Variants in ERC2 observed in about 807,000 individuals in gnomAD.
ERC2 encodes the protein ELKS/RAB6-interacting/CAST family member 2, also known as ERC protein 2.
A neutral mutation model predicts 114.8 loss-of-function variants in ERC2; 42 were observed. That is an observed-to-expected ratio of 0.37 (90% CI 0.29 to 0.47). The LOEUF (loss-of-function observed/expected upper bound fraction) is 0.47, where lower values mean the gene tolerates loss of function less well. Among genes scored for constraint, ERC2 ranks in the 20% least tolerant of loss-of-function variants. The pLI is 0.99. For synonymous variants in ERC2, 454 were observed against 425.5 expected (o/e 1.07, Z -0.82); for missense variants, 939 against 1,150.7 (o/e 0.82, Z 2.66).
chr3:55,593,792 T>TAGAAGAGG (rs2058013541), intron 17 of ERC2, among the ~76,000 whole-genome samples: 2 of 152,176 alleles, frequency 1.3e-5, no homozygotes, highest in African/African-American at 4.8e-5. Context: ...TCCCTCCTCT[T>TAGAAGAGG]GGTCCACAAA....
chr3:56,265,069 T>C (rs1224329783), intron 3 of ERC2, among the ~76,000 whole-genome samples: 1 of 152,154 alleles, frequency 6.6e-6, no homozygotes, highest in Admixed American at 6.5e-5. Context: ...TCTATTAACA[T>C]TCCAAAGTCA....
chr3:55,597,345 A>G, intron 17 of ERC2, among the ~76,000 whole-genome samples: 1 of 150,284 alleles, frequency 6.7e-6, no homozygotes, highest in East Asian at 2.0e-4. Flanking sequence ...GCATGAACCC[A>G]GGAGGTGGAG....
chr3:55,520,433 CAAAA>C (rs35883947), intron 17 of ERC2, among the ~76,000 whole-genome samples: 1 of 109,556 alleles, frequency 9.1e-6, no homozygotes, highest in African/African-American at 3.5e-5. Flanking sequence ...GACTCTGTCT[CAAAA>C]AAAAAAAAAA....
At chr3:55,851,864 TG>T (rs1263099822) in intron 14 of ERC2, among the ~76,000 whole-genome samples, 1 of 152,188 alleles carries the variant, frequency 6.6e-6, no homozygotes, top group Non-Finnish European at 1.5e-5. Context: ...CCCAGGGTCT[TG>T]GGCCCTTTGC....
chr3:56,212,418 T>C (rs556639995), intron 3 of ERC2, among the ~76,000 whole-genome samples: 33 of 152,130 alleles, frequency 2.2e-4, no homozygotes, highest in Admixed American at 5.2e-4. Flanking sequence ...CACCTTACTC[T>C]TTCAAGAATG....
intron 10 of ERC2, among the ~76,000 whole-genome samples, chr3:56,002,675 C>A (rs923741072): frequency 6.6e-6 from 1 of 152,058 alleles, no homozygotes; most frequent in African/African-American, 2.4e-5. Context: ...AGAGCGTAAC[C>A]CTGTTTTTAA....
chr3:55,917,795 A>T (rs1231423799), intron 13 of ERC2, among the ~76,000 whole-genome samples: 1 of 152,206 alleles, frequency 6.6e-6, no homozygotes, highest in Non-Finnish European at 1.5e-5. Flanking sequence ...TGTGAATTAT[A>T]TCTCAATAAG....
intron 7 of ERC2, among the ~76,000 whole-genome samples, chr3:56,055,967 T>C (rs554794525): frequency 4.4e-4 from 67 of 152,274 alleles, no homozygotes; most frequent in African/African-American, 1.5e-3. Context: ...AATCTTACTT[T>C]TGCAAAATTT....
At chr3:55,859,559 A>T (rs1286088837) in intron 14 of ERC2, among the ~76,000 whole-genome samples, 1 of 152,050 alleles carries the variant, frequency 6.6e-6, no homozygotes, top group Non-Finnish European at 1.5e-5. Flanking sequence ...GGCTCAGGAA[A>T]AGCTGTCATT....
intron 13 of ERC2, among the ~76,000 whole-genome samples, chr3:55,920,892 A>C (rs577973871): frequency 7.2e-5 from 11 of 152,194 alleles, no homozygotes; most frequent in Admixed American, 2.6e-4. Context: ...TGACCACAGA[A>C]GAACAGAGGG....
chr3:55,705,247 G>A (rs768613707), intron 15 of ERC2, among the ~76,000 whole-genome samples: 3 of 152,144 alleles, frequency 2.0e-5, no homozygotes, highest in African/African-American at 7.2e-5. Context: ...TGGGTCAAAC[G>A]CCCCTTGAGT....
chr3:55,828,593 G>A (rs1198265443), intron 14 of ERC2, among the ~76,000 whole-genome samples: 1 of 152,074 alleles, frequency 6.6e-6, no homozygotes, highest in Non-Finnish European at 1.5e-5. Context: ...GAATCCTGGA[G>A]GGAAAAGAGC....
At chr3:56,064,465 A>G (rs929296104) in intron 7 of ERC2, among the ~76,000 whole-genome samples, 6 of 152,312 alleles carry the variant, frequency 3.9e-5, no homozygotes, top group Admixed American at 3.9e-4. Context: ...AGAAAGAAAT[A>G]TCTCCACTCC....
intron 3 of ERC2, among the ~76,000 whole-genome samples, chr3:56,240,715 T>C (rs921255774): frequency 2.0e-5 from 3 of 152,116 alleles, no homozygotes; most frequent in African/African-American, 7.2e-5. Context: ...GGAAAACATA[T>C]CCAGCTATTA....
At chr3:56,414,242 C>T (rs545122183) in intron 2 of ERC2, among the ~76,000 whole-genome samples, 2 of 152,282 alleles carry the variant, frequency 1.3e-5, no homozygotes, top group African/African-American at 4.8e-5. Context: ...TTGTTCCACT[C>T]GAGGCCAGGC....
intron 3 of ERC2, among the ~76,000 whole-genome samples, chr3:56,201,792 C>G (rs1191673127): frequency 1.3e-5 from 2 of 152,188 alleles, no homozygotes; most frequent in South Asian, 4.1e-4. Flanking sequence ...AGAATATGCT[C>G]TTATTCATAA....
At chr3:55,971,242 T>C (rs1315079764) in intron 12 of ERC2, among the ~76,000 whole-genome samples, 1 of 152,112 alleles carries the variant, frequency 6.6e-6, no homozygotes, top group East Asian at 1.9e-4. Flanking sequence ...GGTGATTAAA[T>C]TTTAATTCTA....
At chr3:56,367,607 G>C (rs565276736) in intron 2 of ERC2, among the ~76,000 whole-genome samples, 2 of 152,254 alleles carry the variant, frequency 1.3e-5, no homozygotes, top group South Asian at 4.1e-4. Context: ...CCTTGGTCTT[G>C]AGCTGAATGA....
chr3:55,625,544 G>A (rs749020957), intron 17 of ERC2, among the ~76,000 whole-genome samples: 4 of 152,102 alleles, frequency 2.6e-5, no homozygotes, highest in African/African-American at 9.7e-5. Flanking sequence ...GAGGTCAGGA[G>A]ATCGAGACCT....
Sources: gnomAD v4.1 joint callset for allele counts (sites outside exome capture counted in the v4.1 genomes callset) on GRCh38, gnomAD v4.1.1 for gene constraint, MANE v1.5 for transcripts, NCBI Gene and HGNC (gene_info 2026-07-23, HGNC 2026-07-21) for gene names.